Variants in AGAP1 observed in about 807,000 individuals in gnomAD.
AGAP1 encodes ArfGAP with GTPase domain, ankyrin repeat and PH domain 1, also known as arf-GAP with GTPase, ANK repeat and PH domain-containing protein 1.
Under a neutral mutation model 105.3 loss-of-function variants are expected in AGAP1, and 29 were observed. The observed-to-expected ratio is 0.28, with a 90% CI of 0.21 to 0.38. The LOEUF (loss-of-function observed/expected upper bound fraction) is 0.38, where lower values mean the gene tolerates loss of function less well. Ranked by LOEUF, AGAP1 falls within the 10% of genes least tolerant of loss-of-function variation. AGAP1 has a pLI of 1.00. For missense variants in AGAP1, 998 were observed against 1,165.1 expected (o/e 0.86, Z 2.09); for synonymous variants, 509 against 485.9 (o/e 1.05, Z -0.63).
Position 235,970,364 on chromosome 2 carries a change from C to G in AGAP1, c.1645+1741C>G, listed in dbSNP as rs1346234372. On this transcript the variant is annotated intron_variant, in intron 13 of 17. Transcript: ENST00000304032. This position sits in a 1 kb window ranked among gnomAD's most constrained non-coding sequence, Gnocchi z 5.4. ...GAAAACAGTATCAGCCGCAGGCGCT[C>G]TGTGTTGGTAAGACTCCTTCAGACA... is the stretch of plus-strand genomic sequence containing the variant. Among the ~76,000 whole-genome samples the G allele has an allele frequency of 6.6e-6, 1 of 152,156 alleles. No individual in the cohort carries two copies. Among genetic ancestry groups the G allele is most frequent in the African/African-American group, 2.4e-5 (1 of 41,436 alleles).
intron 1 of AGAP1, among the ~76,000 whole-genome samples, chr2:235,693,874 T>TG (rs1286041437): frequency 6.6e-6 from 1 of 152,192 alleles, no homozygotes; most frequent in Non-Finnish European, 1.5e-5. Flanking sequence ...AGCCCTTACT[T>TG]GGGGGTTAAT....
At chr2:235,558,668 G>A (rs989488700) in intron 1 of AGAP1, among the ~76,000 whole-genome samples, 13 of 152,158 alleles carry the variant, frequency 8.5e-5, no homozygotes, top group African/African-American at 3.1e-4. Flanking sequence ...TTATGGGATG[G>A]GGACTGCATT....
intron 11 of AGAP1, among the ~76,000 whole-genome samples, chr2:235,922,402 G>A (rs533189467): frequency 5.6e-4 from 85 of 152,138 alleles, no homozygotes; most frequent in African/African-American, 2.0e-3. Context: ...AGTTCCTATC[G>A]CCATCACCAA....
rs373400213 is a variant in AGAP1 at position 235,696,529 on chromosome 2, C to G, written c.164-12650C>G. Among the ~76,000 whole-genome samples the G allele has an allele frequency of 1.2e-4, 18 of 152,298 alleles. No homozygotes were observed. In the South Asian group the frequency reaches 3.1e-3, roughly 26 times the overall value. On this transcript the variant is annotated intron_variant, in intron 1 of 17. Transcript: ENST00000304032. ...GCATCTTGGATGTGAGGCCACAGAC[C>G]AAGCTCACAGGGATGAGAGATGGTC...
rs2054003785 is a variant in AGAP1 at position 235,957,610 on chromosome 2, T to C, written c.1484-10852T>C. 6.6e-6 allele frequency among the ~76,000 whole-genome samples: 1 copy of C among 152,170 alleles called. No individual in the cohort carries two copies. Among genetic ancestry groups the C allele is most frequent in the Non-Finnish European group, 1.5e-5 (1 of 68,028 alleles). On this transcript the variant is annotated intron_variant, in intron 12 of 17. Transcript: ENST00000304032. This position sits in a 1 kb window ranked among gnomAD's most constrained non-coding sequence, Gnocchi z 4.6. ...AAAGGACTATGCGAAGGGGTGAGGT[T>C]TTGAACCTCACTTCACACTCACCTT...
intron 6 of AGAP1, among the ~76,000 whole-genome samples, chr2:235,768,463 T>C (rs1955154219): frequency 6.6e-6 from 1 of 152,208 alleles, no homozygotes; most frequent in Non-Finnish European, 1.5e-5. Context: ...CAGAAAGTCA[T>C]GAGAAAAGAA....
At chr2:235,831,184 T>TAAAAA (rs35101565) in intron 9 of AGAP1, among the ~76,000 whole-genome samples, 3,847 of 137,884 alleles carry the variant, frequency 0.028, 161 homozygotes, top group African/African-American at 0.1. Context: ...TCTTCTTCTT[T>TAAAAA]AAAAAAAAAA....
At position 235,723,284 on chromosome 2, in the gene AGAP1, C is replaced by T. The variant is rs1051355757; in HGVS notation, c.310+5640C>T. On this transcript the variant is annotated intron_variant, in intron 3 of 17. Transcript: ENST00000304032. The surrounding 1 kb of genome is among the most constrained non-coding windows in gnomAD (Gnocchi z 6.2). ...TTTGGGTGTGTAATGTGACTTCCCT[C>T]GTGGTGTGTTTATGTGCTTAATATT... Among the ~76,000 whole-genome samples, 1 of 152,198 alleles carries T rather than the reference C, an allele frequency of 6.6e-6. No homozygotes were observed. The highest frequency in any genetic ancestry group is 1.5e-5 in the Non-Finnish European group (1 of 68,038).
rs568343251 is a variant in AGAP1, at chr2:235,739,427, C to A, written c.311-1536C>A. ...GCAGCTGGGGCTCACCCTGTCTGGA[C>A]CCAGCGGCCTGACTGGCCTGGATGT... On this transcript the variant is annotated intron_variant, in intron 3 of 17. Coordinates refer to ENST00000304032, the MANE Select transcript of AGAP1 (RefSeq NM_001037131.3). The surrounding 1 kb of genome is among the most constrained non-coding windows in gnomAD (Gnocchi z 5.3). Among the ~76,000 whole-genome samples the A allele has an allele frequency of 6.6e-6, 1 of 152,338 alleles. No individual in the cohort carries two copies. The highest frequency in any genetic ancestry group is 2.1e-4 in the South Asian group (1 of 4,830).
At position 235,623,837 on chromosome 2, in the gene AGAP1, A is replaced by G. The variant is rs188724878; in HGVS notation, c.164-85342A>G. Among the ~76,000 whole-genome samples, 41 of 152,286 alleles carry G rather than the reference A, an allele frequency of 2.7e-4. No homozygotes were observed. Among genetic ancestry groups the G allele is most frequent in the Middle Eastern group, 3.4e-3 (1 of 294 alleles). ...AATGCTTAGTATTTGTAATGCAACA[A>G]AAGGTCAGAATTAATAAGGTGTAGT... is the stretch of plus-strand genomic sequence containing the variant. On this transcript the variant is annotated intron_variant, in intron 1 of 17. Coordinates refer to ENST00000304032, the MANE Select transcript of AGAP1 (RefSeq NM_001037131.3). The surrounding 1 kb of genome is among the most constrained non-coding windows in gnomAD (Gnocchi z 4.5).
chr2:235,731,929 C>A (rs559205496), intron 3 of AGAP1, among the ~76,000 whole-genome samples: 1 of 152,268 alleles, frequency 6.6e-6, no homozygotes, highest in Non-Finnish European at 1.5e-5. Context: ...CATCACTTCA[C>A]CCCAAAGTGC....
chr2:235,786,605 G>T (rs57957542), intron 6 of AGAP1, among the ~76,000 whole-genome samples: 1 of 152,062 alleles, frequency 6.6e-6, no homozygotes, highest in African/African-American at 2.4e-5. Context: ...AATTTTTATC[G>T]AGATTGTTGT....
chr2:235,988,690 C>T lies in AGAP1; in HGVS notation c.1645+20067C>T, dbSNP rs531495999. Among the ~76,000 whole-genome samples, 251 of 152,226 alleles carry T rather than the reference C, an allele frequency of 1.6e-3. 1 individual carries two copies. The highest frequency in any genetic ancestry group is 2.4e-3 in the Non-Finnish European group (164 of 68,016). On this transcript the variant is annotated intron_variant, in intron 13 of 17. Transcript: ENST00000304032. This position sits in a 1 kb window ranked among gnomAD's most constrained non-coding sequence, Gnocchi z 4.7. ...CAGTGGGTAAATGGAATCTTAAAGA[C>T]GAGAAATGATTATTTTTTTCCCGCC...
chr2:235,536,142 TACACACACACACACACACACACAC>T (rs58090095), intron 1 of AGAP1, among the ~76,000 whole-genome samples: 131 of 16,080 alleles, frequency 8.1e-3, no homozygotes, highest in Middle Eastern at 0.077. Flanking sequence ...TGTGGCATCC[TACACACACACACACACACACACAC>T]ACACACACAC....
In AGAP1 at chr2:235,961,468, G is replaced by A. The variant is rs2054183378; in HGVS notation, c.1484-6994G>A. ...CGGCCCCAGCAAGGACACACCAGTG[G>A]TTGGTGGGATGTGAGCGGGACTGGA... On this transcript the variant is annotated intron_variant, in intron 12 of 17. Coordinates refer to ENST00000304032, the MANE Select transcript of AGAP1 (RefSeq NM_001037131.3). This position sits in a 1 kb window ranked among gnomAD's most constrained non-coding sequence, Gnocchi z 5.9. 6.6e-6 allele frequency among the ~76,000 whole-genome samples: 1 copy of A among 152,236 alleles called. No individual in the cohort carries two copies. The highest frequency in any genetic ancestry group is 1.5e-5 in the Non-Finnish European group (1 of 68,046).
chr2:235,658,463 A>C (rs1041837067), intron 1 of AGAP1, among the ~76,000 whole-genome samples: 2 of 151,606 alleles, frequency 1.3e-5, no homozygotes, highest in Non-Finnish European at 2.9e-5. Context: ...CGTATTAGCA[A>C]AGAGACATCT....
chr2:235,800,119 T>C (rs115741685), intron 8 of AGAP1, among the ~76,000 whole-genome samples: 33,983 of 149,656 alleles, frequency 0.23, 4,790 homozygotes, highest in Admixed American at 0.39. Flanking sequence ...TTTTTTTTTT[T>C]CTTTTGAGAC....
chr2:235,811,977 C>T (rs1958167339), intron 9 of AGAP1, among the ~76,000 whole-genome samples: 1 of 152,190 alleles, frequency 6.6e-6, no homozygotes, highest in Non-Finnish European at 1.5e-5. Context: ...CTGTTGACAG[C>T]TGCGGTGGTC....
rs2125988190 is a variant in AGAP1, at chr2:236,124,533, C to G, written c.*411C>G. ...AGCACATAGTACATTTCCCCTCTAC[C>G]AAACGGAACACTTGGATTCCATCTC... is the stretch of plus-strand genomic sequence containing the variant. On this transcript the variant is annotated 3_prime_UTR_variant, in exon 18 of 18. Transcript: ENST00000304032. This position sits in a 1 kb window ranked among gnomAD's most constrained non-coding sequence, Gnocchi z 5.1. 1 of 233,742 alleles carries G rather than the reference C, an allele frequency of 4.3e-6. No homozygotes were observed. Among genetic ancestry groups the G allele is most frequent in the Non-Finnish European group, 8.5e-6 (1 of 118,310 alleles). The allele number at this position is 233,742 out of a possible 1,614,324, so 14.5% of individuals were successfully genotyped here. A position where few individuals can be genotyped will look rare whatever the true frequency, so the allele number is the denominator to read the frequency against.
Sources: gnomAD v4.1 joint callset for allele counts (sites outside exome capture counted in the v4.1 genomes callset) on GRCh38, gnomAD v4.1.1 for gene constraint, Gnocchi (gnomAD v3.1) non-coding constraint, MANE v1.5 for transcripts, NCBI Gene and HGNC (gene_info 2026-07-23, HGNC 2026-07-21) for gene names.